Variants in DMD observed in about 807,000 individuals in gnomAD.
The protein encoded by DMD is mutant dystrophin.
Under a neutral mutation model 330.1 loss-of-function variants are expected in DMD, and 63 were observed. That is an observed-to-expected ratio of 0.19 (90% CI 0.16 to 0.24). The LOEUF (loss-of-function observed/expected upper bound fraction) is 0.24, where lower values mean the gene tolerates loss of function less well. Among genes scored for constraint, DMD ranks in the 10% least tolerant of loss-of-function variants. The pLI, the probability that DMD is intolerant of heterozygous loss-of-function variation, is 1.00. For missense variants in DMD, 3,344 were observed against 2,684.1 expected (o/e 1.25, Z -5.43); for synonymous variants, 1,223 against 959.8 (o/e 1.27, Z -5.07).
intron 60 of DMD, among the ~76,000 whole-genome samples, chrX:31,407,812 C>T (rs1192241377): frequency 9.0e-6 from 1 of 110,885 alleles, no homozygotes; most frequent in Non-Finnish European, 1.9e-5. Flanking sequence ...ACTCAACGTA[C>T]AGCTCAAATC....
Position 32,217,061 on chromosome X carries a change from C to A in DMD, c.6293G>T (p.Arg2098Leu). ...CCATTTCTCAACAGATCTGTCAAAT[C>A]GCCTGCAGGTAAAAGCATATGGATC... is the stretch of plus-strand genomic sequence containing the variant. ...VNKMYKDRQG[R>L]FDRSVEKWRR... Residue 2098 changes from arginine to leucine, a missense_variant and splice_region_variant, in exon 44 of 79, where the codon CGA becomes CTA. Transcript: ENST00000357033. The A allele has an allele frequency of 8.3e-7, 1 of 1,208,235 alleles. No homozygotes were observed. Among genetic ancestry groups the A allele is most frequent in the Non-Finnish European group, 1.1e-6 (1 of 893,116 alleles).
chrX:31,217,524 C>T (rs2045539391), intron 64 of DMD, among the ~76,000 whole-genome samples: 1 of 112,152 alleles, frequency 8.9e-6, no homozygotes, highest in African/African-American at 3.2e-5. Context: ...CAGGAAATCA[C>T]TGAGATAACA....
chrX:32,531,412 T>TA (rs2047465988), intron 17 of DMD, among the ~76,000 whole-genome samples: 1 of 111,885 alleles, frequency 8.9e-6, no homozygotes, highest in Admixed American at 9.5e-5. Flanking sequence ...ACTCGTACTC[T>TA]AAAAATCTGC....
intron 2 of DMD, among the ~76,000 whole-genome samples, chrX:32,887,973 T>C (rs940304861): frequency 9.1e-6 from 1 of 109,320 alleles, no homozygotes; most frequent in African/African-American, 3.3e-5. Context: ...GTCCCTTCAC[T>C]CTGATTAATA....
intron 63 of DMD, among the ~76,000 whole-genome samples, chrX:31,227,015 T>C (rs2046669319): frequency 8.9e-6 from 1 of 111,851 alleles, no homozygotes; most frequent in Non-Finnish European, 1.9e-5. Flanking sequence ...TTGTAGAAGA[T>C]ATTGGCATAA....
chrX:32,293,394 A>G (rs2097481984), intron 42 of DMD, among the ~76,000 whole-genome samples: 1 of 111,499 alleles, frequency 9.0e-6, no homozygotes, highest in Admixed American at 9.5e-5. Context: ...TCCCTAAAGA[A>G]TAATAGTCAT....
intron 56 of DMD, among the ~76,000 whole-genome samples, chrX:31,502,545 T>C (rs1430321961): frequency 9.0e-6 from 1 of 111,571 alleles, no homozygotes; most frequent in Non-Finnish European, 1.9e-5. Context: ...ACAGACTATA[T>C]AATGTCAGTG....
intron 41 of DMD, among the ~76,000 whole-genome samples, chrX:32,338,687 C>T (rs1264059464): frequency 1.8e-5 from 2 of 110,554 alleles, no homozygotes; most frequent in African/African-American, 6.6e-5. Context: ...GCTTATGTTC[C>T]TTAGCAGTTT....
upstream of DMD, chrX:33,211,565 A>C (rs1435145317): frequency 2.9e-6 from 3 of 1,018,171 alleles, no homozygotes; most frequent in Middle Eastern, 4.1e-4. Context: ...GATTCTGTAG[A>C]GGCCCCCGGA....
chrX:31,822,653 G>GGGGTGTGTGTGTGTGTGTGT (rs58903799), intron 49 of DMD, among the ~76,000 whole-genome samples: 30 of 65,809 alleles, frequency 4.6e-4, no homozygotes, highest in South Asian at 1.1e-3. Flanking sequence ...AAGGCAGAGG[G>GGGGTGTGTGTGTGTGTGTGT]GTGTGTGTGT....
chrX:33,059,071 A>C (rs1390466337), intron 1 of DMD, among the ~76,000 whole-genome samples: 2 of 111,654 alleles, frequency 1.8e-5, no homozygotes, highest in African/African-American at 3.3e-5. Context: ...TCTTAGTTTT[A>C]ATGAAGCTCA....
intron 60 of DMD, among the ~76,000 whole-genome samples, chrX:31,382,788 CT>C (rs1355397706): frequency 9.0e-6 from 1 of 111,339 alleles, no homozygotes; most frequent in Non-Finnish European, 1.9e-5. Context: ...CACGCCACCC[CT>C]GATCCACCTC....
chrX:31,226,840 G>T (rs1239483565), intron 63 of DMD, among the ~76,000 whole-genome samples: 1 of 111,589 alleles, frequency 9.0e-6, no homozygotes, highest in Non-Finnish European at 1.9e-5. Flanking sequence ...TTTATAAAAA[G>T]AAATGTAGAG....
chrX:32,697,985 A>G lies in DMD; in HGVS notation c.845T>C (p.Leu282Pro), dbSNP rs2063779576. Residue 282 changes from leucine to proline, a missense_variant, in exon 9 of 79, where the codon CTA (leucine) becomes CCA (proline). Coordinates refer to ENST00000357033, the MANE Select transcript of DMD (RefSeq NM_004006.3). ...MHYSQQITVS[L>P]AQGYERTSSP... Reference sequence around the variant, plus strand: ...AGAAGTTCTCTCATATCCCTGTGCTAGACTGACCGTGATCTGCAGAGAAGG... The same window carrying G: ...AGAAGTTCTCTCATATCCCTGTGCTGGACTGACCGTGATCTGCAGAGAAGG... The G allele has an allele frequency of 1.7e-6, 2 of 1,194,170 alleles. No homozygotes were observed. The highest frequency in any genetic ancestry group is 1.8e-5 in the African/African-American group (1 of 56,165).
chrX:32,280,065 TA>T (rs2097411331), intron 43 of DMD, among the ~76,000 whole-genome samples: 2 of 102,754 alleles, frequency 1.9e-5, no homozygotes, highest in African/African-American at 7.0e-5. Flanking sequence ...TGTATGTGTG[TA>T]TATACATAGT....
chrX:31,449,576 A>G (rs1167086984), intron 59 of DMD, among the ~76,000 whole-genome samples: 1 of 108,070 alleles, frequency 9.3e-6, no homozygotes, highest in African/African-American at 3.4e-5. Context: ...GATTAGGAGG[A>G]AAGCAAAGCA....
chrX:32,862,888 C>T (rs1480656994), intron 2 of DMD, among the ~76,000 whole-genome samples: 1 of 110,429 alleles, frequency 9.1e-6, no homozygotes, highest in Non-Finnish European at 1.9e-5. Context: ...AGGCGCGAGC[C>T]ACTACGCTTG....
chrX:33,093,157 G>C (rs754659434), intron 1 of DMD, among the ~76,000 whole-genome samples: 4 of 112,306 alleles, frequency 3.6e-5, no homozygotes, highest in South Asian at 7.3e-4. Flanking sequence ...TTACAGGCGT[G>C]AGCCACTGTG....
intron 62 of DMD, among the ~76,000 whole-genome samples, chrX:31,267,921 T>C (rs746392598): frequency 8.9e-6 from 1 of 112,772 alleles, no homozygotes; most frequent in Non-Finnish European, 1.9e-5. Context: ...GTTAGTGATA[T>C]TTTCACTGCC....
Sources: allele counts gnomAD v4.1 joint callset (sites outside exome capture counted in the v4.1 genomes callset), GRCh38; gene constraint gnomAD v4.1.1; transcripts MANE v1.5; gene names NCBI Gene and HGNC (gene_info 2026-07-23, HGNC 2026-07-21).